Variants in ELMO1 observed in about 807,000 individuals in gnomAD.
ELMO1 encodes engulfment and cell motility protein 1.
In ELMO1, 26 loss-of-function variants were observed where a neutral mutation model predicts 98.9. That is an observed-to-expected ratio of 0.26 (90% CI 0.19 to 0.36). The LOEUF is 0.36. Ranked by LOEUF, ELMO1 falls within the 10% of genes least tolerant of loss-of-function variation. ELMO1 has a pLI of 1.00. For missense variants in ELMO1, 627 were observed against 935.2 expected (o/e 0.67, Z 4.30); for synonymous variants, 346 against 346.0 (o/e 1.00, Z 0.00).
intron 13 of ELMO1, among the ~76,000 whole-genome samples, chr7:37,158,595 C>T (rs1788966892): frequency 6.6e-6 from 1 of 152,092 alleles, no homozygotes; most frequent in African/African-American, 2.4e-5. Flanking sequence ...AAATCAAAAC[C>T]ACAATGAGAT....
intron 1 of ELMO1, among the ~76,000 whole-genome samples, chr7:37,391,376 G>A (rs983747481): frequency 5.3e-5 from 8 of 152,106 alleles, no homozygotes; most frequent in African/African-American, 1.7e-4. Flanking sequence ...CCGGCCCCCC[G>A]AAGTGCTGGC....
At chr7:36,961,836 C>A (rs1584440941) in intron 16 of ELMO1, among the ~76,000 whole-genome samples, 1 of 152,204 alleles carries the variant, frequency 6.6e-6, no homozygotes, top group Admixed American at 6.5e-5. Context: ...TACTTTCTAC[C>A]CTGACCTTTA....
At chr7:37,313,695 T>C (rs955409760) in intron 4 of ELMO1, among the ~76,000 whole-genome samples, 2 of 152,116 alleles carry the variant, frequency 1.3e-5, no homozygotes, top group Non-Finnish European at 2.9e-5. Flanking sequence ...CCTCCCTCCT[T>C]CTTTGGGGTA....
At chr7:37,349,734 G>A (rs575899974) in intron 1 of ELMO1, among the ~76,000 whole-genome samples, 3 of 152,192 alleles carry the variant, frequency 2.0e-5, no homozygotes, top group Non-Finnish European at 4.4e-5. Flanking sequence ...GATTATAGGC[G>A]TGAGCCACCA....
intron 1 of ELMO1, among the ~76,000 whole-genome samples, chr7:37,382,571 A>G (rs1802623319): frequency 6.6e-6 from 1 of 152,158 alleles, no homozygotes; most frequent in South Asian, 2.1e-4. Flanking sequence ...CATACCAGGA[A>G]GGGGATAACA....
intron 4 of ELMO1, among the ~76,000 whole-genome samples, chr7:37,279,515 C>T (rs1323464769): frequency 6.6e-6 from 1 of 152,158 alleles, no homozygotes; most frequent in African/African-American, 2.4e-5. Context: ...CTGTGAGTGC[C>T]CCAACTGTGG....
intron 20 of ELMO1, 66 bp from the exon 21 acceptor site, chr7:36,861,802 T>C (rs1802652776): frequency 6.7e-7 from 1 of 1,482,586 alleles, no homozygotes. Flanking sequence ...CAGTTGCAAA[T>C]GGCTGCACAT....
At chr7:37,240,605 A>ATATT (rs982842350) in intron 7 of ELMO1, among the ~76,000 whole-genome samples, 3 of 152,118 alleles carry the variant, frequency 2.0e-5, no homozygotes, top group African/African-American at 7.2e-5. Flanking sequence ...TTCAACATAG[A>ATATT]TATTTAATGC....
chr7:37,013,257 G>A (rs1463046451), intron 16 of ELMO1, 42 bp downstream of exon 16: 1 of 1,610,580 alleles, frequency 6.2e-7, no homozygotes, highest in Non-Finnish European at 8.5e-7. Context: ...GGCCCCTTTA[G>A]CGCTGCGGGA....
At chr7:36,964,734 A>G (rs149191409) in intron 16 of ELMO1, among the ~76,000 whole-genome samples, 278 of 152,242 alleles carry the variant, frequency 1.8e-3, no homozygotes, top group Non-Finnish European at 2.8e-3. Flanking sequence ...CCTCCTCCAC[A>G]TGGTCTAGAG....
chr7:36,883,331 A>C (rs1369666606), intron 18 of ELMO1, among the ~76,000 whole-genome samples: 1 of 152,194 alleles, frequency 6.6e-6, no homozygotes, highest in African/African-American at 2.4e-5. Context: ...AAAGACCTTC[A>C]TCTCTAAAAT....
At chr7:37,149,661 C>T in intron 13 of ELMO1, among the ~76,000 whole-genome samples, 1 of 152,068 alleles carries the variant, frequency 6.6e-6, no homozygotes, top group Non-Finnish European at 1.5e-5. Flanking sequence ...GCATATGGCT[C>T]ACAAAACTTA....
intron 17 of ELMO1, among the ~76,000 whole-genome samples, chr7:36,892,218 G>A (rs1158572477): frequency 2.6e-5 from 4 of 152,222 alleles, no homozygotes; most frequent in Admixed American, 2.6e-4. Flanking sequence ...CACACACAGA[G>A]GGAGGAGGGC....
At chr7:36,932,552 G>T (rs1786136521) in intron 16 of ELMO1, among the ~76,000 whole-genome samples, 1 of 152,228 alleles carries the variant, frequency 6.6e-6, no homozygotes, top group Non-Finnish European at 1.5e-5. Context: ...TGAGAATACA[G>T]TGCAAAGTAA....
At chr7:37,447,064 GGAGGTGA>G (rs1805646064) in intron 1 of ELMO1, among the ~76,000 whole-genome samples, 1 of 152,176 alleles carries the variant, frequency 6.6e-6, no homozygotes, top group African/African-American at 2.4e-5. Context: ...AAGTAGGCAT[GGAGGTGA>G]GATAATATGA....
At chr7:37,091,316 A>G (rs1404686233) in intron 15 of ELMO1, among the ~76,000 whole-genome samples, 2 of 152,150 alleles carry the variant, frequency 1.3e-5, no homozygotes, top group Non-Finnish European at 2.9e-5. Context: ...CATGTTGGCC[A>G]GGCTGGTCTC....
chr7:37,183,847 C>G (rs1167543185), intron 13 of ELMO1, among the ~76,000 whole-genome samples: 4 of 152,116 alleles, frequency 2.6e-5, no homozygotes, highest in African/African-American at 9.7e-5. Flanking sequence ...TATCTTTACC[C>G]TTATATAATA....
intron 16 of ELMO1, among the ~76,000 whole-genome samples, chr7:36,928,203 C>G (rs1254873084): frequency 6.6e-6 from 1 of 152,194 alleles, no homozygotes; most frequent in Non-Finnish European, 1.5e-5. Context: ...GTGCATCTTC[C>G]CTCTTCATGA....
chr7:37,421,525 C>A (rs1271916872), intron 1 of ELMO1, among the ~76,000 whole-genome samples: 1 of 152,204 alleles, frequency 6.6e-6, no homozygotes, highest in Admixed American at 6.5e-5. Context: ...TGCTATAAAT[C>A]TTTCCCTGTG....
Sources: gnomAD v4.1 joint callset for allele counts (sites outside exome capture counted in the v4.1 genomes callset) on GRCh38, gnomAD v4.1.1 for gene constraint, MANE v1.5 for transcripts, NCBI Gene and HGNC (gene_info 2026-07-23, HGNC 2026-07-21) for gene names.